CHD3: variants seen among roughly 807,000 people sequenced by gnomAD.
CHD3 encodes ATP-dependent chromatin remodeler CHD3.
A neutral mutation model predicts 248.9 loss-of-function variants in CHD3; 52 were observed. The ratio of observed to expected loss-of-function variants is 0.21; its 90% CI spans 0.17 to 0.26. The LOEUF is 0.26. Ranked by LOEUF, CHD3 falls within the 10% of genes least tolerant of loss-of-function variation. The probability of loss-of-function intolerance (pLI) is 1.00; values close to 1 mark genes in which losing one functional copy is unlikely to be tolerated. For synonymous variants in CHD3, 985 were observed against 985.2 expected, an observed-to-expected ratio of 1.00 and a Z score of 0.00; for missense variants, 1,482 against 2,605.8, an observed-to-expected ratio of 0.57 and a Z score of 9.39.
upstream of CHD3, among the ~76,000 whole-genome samples, chr17:7,887,949 G>A (rs1051574084): frequency 5.9e-5 from 9 of 152,268 alleles, no homozygotes; most frequent in African/African-American, 2.2e-4. Flanking sequence ...CCTCCCGCTG[G>A]GGTGGGGAGT....
rs1243755593 is a variant in CHD3, at chr17:7,906,285, A to G, written c.4359-268A>G. ...TACTTGACCACAATAACCTGGCAGG[A>G]GGAGCTGGTGGAAAGGATGAAGAGC... On this transcript the variant is annotated intron_variant, in intron 28 of 39. Coordinates refer to ENST00000330494, the MANE Select transcript of CHD3 (RefSeq NM_001005273.3). This position sits in a 1 kb window ranked among gnomAD's most constrained non-coding sequence, Gnocchi z 5.0. 3 of 684,898 alleles carry G rather than the reference A, an allele frequency of 4.4e-6. No homozygotes were observed. Among genetic ancestry groups the G allele is most frequent in the East Asian group, 2.6e-5 (1 of 39,194 alleles). 42.4% of individuals were successfully genotyped at this position (684,898 alleles called of 1,614,324 possible). A position where few individuals can be genotyped will look rare whatever the true frequency, so the allele number is the denominator to read the frequency against.
upstream of CHD3, chr17:7,885,064 G>A (rs1324074049): frequency 1.5e-5 from 15 of 984,140 alleles, 1 homozygote; most frequent in Admixed American, 6.3e-5. Context: ...TGCCCCCGCC[G>A]CCGCCGCCCC....
At chr17:7,885,673 T>C (rs1597897626), upstream of CHD3, among the ~76,000 whole-genome samples, 1 of 152,034 alleles carries the variant, frequency 6.6e-6, no homozygotes, top group African/African-American at 2.4e-5. Flanking sequence ...CCCCCTCCGC[T>C]CAGGACTTGG....
At position 7,909,270 on chromosome 17, in the gene CHD3, A is replaced by C. The variant is rs778845701; in HGVS notation, c.5522A>C (p.Glu1841Ala). The C allele has an allele frequency of 6.4e-7, 1 of 1,557,878 alleles. No homozygotes were observed. The part of the protein sequence containing the change: ...ARFAEAECLA[E>A]SHQHLSKESL... ...TTCGCCGAGGCCGAGTGCCTGGCCG[A>C]GAGCCACCAGCACCTCTCCAAGGAG... The change falls in exon 37 of 40, where the codon GAG (glutamate) becomes GCG (alanine). Residue 1841 changes from glutamate to alanine, a missense_variant. Around this residue, in one of 20 missense-constraint regions of CHD3, gnomAD observed 83 missense variants for 181.0 expected, o/e 0.46. Coordinates refer to ENST00000330494, the MANE Select transcript of CHD3 (RefSeq NM_001005273.3). This position sits in a 1 kb window ranked among gnomAD's most constrained non-coding sequence, Gnocchi z 8.1.
chr17:7,893,624 A>G lies in CHD3; in HGVS notation c.793+55A>G. ...CTCACCTTCCAAACTGCATGTCTTC[A>G]CATTAGAGTCTGGAACTCTCGCCTT... On this transcript the variant is annotated intron_variant, in intron 5 of 39. Coordinates refer to ENST00000330494, the MANE Select transcript of CHD3 (RefSeq NM_001005273.3). 5 of 1,532,344 alleles carry G rather than the reference A, an allele frequency of 3.3e-6. 1 individual carries two copies. The highest frequency in any genetic ancestry group is 4.4e-6 in the Non-Finnish European group (5 of 1,141,662). 94.9% of individuals were successfully genotyped at this position (1,532,344 alleles called of 1,614,324 possible).
chr17:7,901,177 G>A lies in CHD3; in HGVS notation c.3121-67G>A, dbSNP rs570133749. Reference sequence around the variant, plus strand: ...TGGATCCGGGCATCTGGCCTTCTAGGTGTGGCAAGAATATGGGGGCATGTT... The same window carrying A: ...TGGATCCGGGCATCTGGCCTTCTAGATGTGGCAAGAATATGGGGGCATGTT... On this transcript the variant is annotated intron_variant, in intron 19 of 39. Coordinates refer to ENST00000330494, the MANE Select transcript of CHD3 (RefSeq NM_001005273.3). 41 of 1,539,508 alleles carry A rather than the reference G, an allele frequency of 2.7e-5. No homozygotes were observed. The South Asian group carries it at 4.3e-4, about 16-fold the overall frequency.
chr17:7,893,197 C>T, intron 4 of CHD3, 89 bp from the exon 5 acceptor site: 2 of 1,461,738 alleles, frequency 1.4e-6, no homozygotes, highest in Non-Finnish European at 1.8e-6. Context: ...GGAATCCTAG[C>T]ATGTACATAG....
In CHD3 at chr17:7,895,653, C is replaced by A; in HGVS notation, c.1707+111C>A. 9.9e-7 allele frequency: 1 copy of A among 1,006,812 alleles called. No homozygotes were observed. Among genetic ancestry groups the A allele is most frequent in the Non-Finnish European group, 1.5e-6 (1 of 666,658 alleles). 62.4% of individuals were successfully genotyped at this position (1,006,812 alleles called of 1,614,324 possible). On this transcript the variant is annotated intron_variant, in intron 10 of 39. Coordinates refer to ENST00000330494, the MANE Select transcript of CHD3 (RefSeq NM_001005273.3). This position sits in a 1 kb window ranked among gnomAD's most constrained non-coding sequence, Gnocchi z 4.9. ...CCATACTCTTTGTTTTCTCTCATTT[C>A]AGGCCTGTGGCCTTCATACCCTACT...
Position 7,893,463 on chromosome 17 carries a change from G to A in CHD3, c.687G>A (p.Ser229=), listed in dbSNP as rs576181084. Residue 229 remains serine, a synonymous_variant, in exon 5 of 40, where the codon TCG becomes TCA. Transcript: ENST00000330494. ...AVAEQVSAAV[S]SATPIAPSGP... is the part of the protein sequence containing the mutation. The stretch of plus-strand genomic sequence containing the variant: ...CTGAGCAGGTGTCAGCTGCTGTCTC[G>A]TCGGCCACCCCCATAGCACCCTCCG... 16 of 1,610,056 alleles carry A rather than the reference G, an allele frequency of 9.9e-6. No individual in the cohort carries two copies. The highest frequency in any genetic ancestry group is 6.7e-5 in the East Asian group (3 of 44,750).
chr17:7,896,641 G>A (rs1019098845), intron 10 of CHD3, among the ~76,000 whole-genome samples: 3 of 150,746 alleles, frequency 2.0e-5, no homozygotes, highest in Non-Finnish European at 1.5e-5. Flanking sequence ...CCAACCTCAG[G>A]TGATCCACCT....
intron 20 of CHD3, among the ~76,000 whole-genome samples, chr17:7,901,594 T>G (rs2151586366): frequency 7.0e-6 from 1 of 143,044 alleles, no homozygotes; most frequent in Non-Finnish European, 1.5e-5. Context: ...CACTGCAACC[T>G]CTGCTTCCTG....
rs781745065 is a variant in CHD3 at position 7,905,129 on chromosome 17, G to C, written c.4102G>C (p.Glu1368Gln). 1 of 1,614,146 alleles carries C rather than the reference G, an allele frequency of 6.2e-7. No individual in the cohort carries two copies. Among genetic ancestry groups the C allele is most frequent in the Non-Finnish European group, 8.5e-7 (1 of 1,179,980 alleles). ...DNQSEYSVGS[E>Q]EEDEDFDERP... is the part of the protein sequence containing the mutation. Reference sequence around the variant, plus strand: ...CCAGTCAGAGTACTCGGTGGGTTCAGAGGAGGAGGATGAAGACTTCGATGA... The same window carrying C: ...CCAGTCAGAGTACTCGGTGGGTTCACAGGAGGAGGATGAAGACTTCGATGA... The change falls in exon 26 of 40, where the codon GAG becomes CAG. Residue 1368 changes from glutamate to glutamine, a missense_variant. Physicochemically the swap from Glu to Gln is conservative, Grantham distance 29 (BLOSUM62 2). This residue lies in a region of CHD3 where 156 missense variants were observed against 420.3 expected (regional missense o/e 0.37). Coordinates refer to ENST00000330494, the MANE Select transcript of CHD3 (RefSeq NM_001005273.3). The surrounding 1 kb of genome is among the most constrained non-coding windows in gnomAD (Gnocchi z 5.8).
At chr17:7,894,743 A>C (rs140885794) in intron 8 of CHD3, 135 bp downstream of exon 8, 13 of 1,333,084 alleles carry the variant, frequency 9.8e-6, no homozygotes, top group Non-Finnish European at 1.3e-5. Context: ...CTAGGATCCT[A>C]ATGTATTCCT....
At chr17:7,898,184 A>C in intron 12 of CHD3, 82 bp downstream of exon 12, 3 of 1,538,458 alleles carry the variant, frequency 1.9e-6, no homozygotes, top group South Asian at 1.2e-5. Context: ...ATGAGGGTAC[A>C]GTAGGGCCTG....
chr17:7,903,124 G>T lies in CHD3; in HGVS notation c.3495+63G>T. The T allele has an allele frequency of 6.3e-7, 1 of 1,590,220 alleles. No individual in the cohort carries two copies. On this transcript the variant is annotated intron_variant, in intron 22 of 39. Transcript: ENST00000330494. This position sits in a 1 kb window ranked among gnomAD's most constrained non-coding sequence, Gnocchi z 6.8. ...CAAGGAGATGTGGGTTCATGGAGGA[G>T]GGTGTCATGTTCCGGGGTCAGAAAT...
Position 7,899,746 on chromosome 17 carries a change from A to G in CHD3, c.2545-150A>G. ...CTGTCGGTACTGGAAATGTGGGCAGAGGTTTAGGAGCCATGGTCTGTAATC... is the reference window on the plus strand; with the variant it reads ...CTGTCGGTACTGGAAATGTGGGCAGGGGTTTAGGAGCCATGGTCTGTAATC... On this transcript the variant is annotated intron_variant, in intron 15 of 39. Transcript: ENST00000330494. The surrounding 1 kb of genome is among the most constrained non-coding windows in gnomAD (Gnocchi z 6.8). 9.0e-7 allele frequency: 1 copy of G among 1,112,166 alleles called. No homozygotes were observed. Among genetic ancestry groups the G allele is most frequent in the Non-Finnish European group, 1.3e-6 (1 of 766,302 alleles). 68.9% of individuals were successfully genotyped at this position (1,112,166 alleles called of 1,614,324 possible). A position where few individuals can be genotyped will look rare whatever the true frequency, so the allele number is the denominator to read the frequency against.
In CHD3 at chr17:7,905,534, G is replaced by A; in HGVS notation, c.4139-87G>A. The A allele has an allele frequency of 1.0e-6, 1 of 988,820 alleles. No homozygotes were observed. Among genetic ancestry groups the A allele is most frequent in the Non-Finnish European group, 1.5e-6 (1 of 671,210 alleles). The allele number at this position is 988,820 out of a possible 1,614,324, so 61.3% of individuals were successfully genotyped here. A position where few individuals can be genotyped will look rare whatever the true frequency, so the allele number is the denominator to read the frequency against. ...AACGTGACAGGAATGTTCCTGTGTTGTGTATCTTGTGGGAATGGGGTGCTA... is the reference window on the plus strand; with the variant it reads ...AACGTGACAGGAATGTTCCTGTGTTATGTATCTTGTGGGAATGGGGTGCTA... On this transcript the variant is annotated intron_variant, in intron 26 of 39. Transcript: ENST00000330494. The surrounding 1 kb of genome is among the most constrained non-coding windows in gnomAD (Gnocchi z 5.8).
At position 7,909,015 on chromosome 17, in the gene CHD3, G is replaced by T. The variant is rs954321833; in HGVS notation, c.5395-128G>T. ...CAGGGTTGCTGCTAGGTTCGCAGTC[G>T]GTTTGGAGCTGGGAGTGCCCTGGGC... On this transcript the variant is annotated intron_variant, in intron 36 of 39. Transcript: ENST00000330494. The surrounding 1 kb of genome is among the most constrained non-coding windows in gnomAD (Gnocchi z 8.1). The T allele has an allele frequency of 2.8e-6, 4 of 1,416,078 alleles. No individual in the cohort carries two copies. The East Asian group carries it at 9.9e-5, about 35-fold the overall frequency. The allele number at this position is 1,416,078 out of a possible 1,614,324, so 87.7% of individuals were successfully genotyped here. A position where few individuals can be genotyped will look rare whatever the true frequency, so the allele number is the denominator to read the frequency against.
In CHD3 at chr17:7,905,217, G is replaced by GTT. The variant is rs750881384; in HGVS notation, c.4138+54_4138+55dup. 2.6e-6 allele frequency: 4 copies of GTT among 1,568,588 alleles called. No homozygotes were observed. Among genetic ancestry groups the GTT allele is most frequent in the Non-Finnish European group, 3.5e-6 (4 of 1,138,650 alleles). ...TCACCTCTTCCCGTTTTATTTTCCA[G>GTT]TTTGCTTTAAGCCCACTGTTTTTAT... On this transcript the variant is annotated intron_variant, in intron 26 of 39. Transcript: ENST00000330494. This position sits in a 1 kb window ranked among gnomAD's most constrained non-coding sequence, Gnocchi z 5.8.
Sources: gnomAD v4.1 joint callset for allele counts (sites outside exome capture counted in the v4.1 genomes callset) on GRCh38, gnomAD v4.1.1 for gene constraint, gnomAD v4.1.1 regional missense constraint, Gnocchi (gnomAD v3.1) non-coding constraint, MANE v1.5 for transcripts, NCBI Gene and HGNC (gene_info 2026-07-23, HGNC 2026-07-21) for gene names.